SPI1: variants seen among roughly 807,000 people sequenced by gnomAD.
The protein encoded by SPI1 is Spi-1 proto-oncogene.
A neutral mutation model predicts 30.7 loss-of-function variants in SPI1; 3 were observed. That is an observed-to-expected ratio of 0.10 (90% CI 0.04 to 0.25). SPI1 has a LOEUF of 0.25. Ranked by LOEUF, SPI1 falls within the 10% of genes least tolerant of loss-of-function variation. SPI1 has a pLI of 1.00. For synonymous variants in SPI1, 169 were observed against 157.1 expected (o/e 1.08, Z -0.56); for missense variants, 261 against 371.5 (o/e 0.70, Z 2.45).
rs568182125 is a variant in SPI1 at position 47,373,192 on chromosome 11, A to C, written c.142+2441T>G. 3.9e-5 allele frequency among the ~76,000 whole-genome samples: 6 copies of C among 152,084 alleles called. No homozygotes were observed. The South Asian group carries it at 1.2e-3, about 32-fold the overall frequency. On this transcript the variant is annotated intron_variant, in intron 2 of 4. Transcript: ENST00000378538. Reference sequence around the variant, plus strand: ...ATAGTGAAACCCTGTCTCTACTAAAAATACAAAAAATTAGCTGAGCGTGGT... The same window carrying C: ...ATAGTGAAACCCTGTCTCTACTAAACATACAAAAAATTAGCTGAGCGTGGT...
At position 47,359,090 on chromosome 11, in the gene SPI1, G is replaced by A. The variant is rs1172293737; in HGVS notation, c.331-84C>T. The A allele has an allele frequency of 4.5e-6, 6 of 1,330,640 alleles. No homozygotes were observed. The highest frequency in any genetic ancestry group is 2.3e-4 in the Middle Eastern group (1 of 4,328). 82.4% of individuals were successfully genotyped at this position (1,330,640 alleles called of 1,614,324 possible). On this transcript the variant is annotated intron_variant, in intron 3 of 4. Coordinates refer to ENST00000378538, the MANE Select transcript of SPI1 (RefSeq NM_003120.3). This position sits in a 1 kb window ranked among gnomAD's most constrained non-coding sequence, Gnocchi z 5.1. ...CTGGGAGGGAGGTCAGCTGGGGAGA[G>A]AAGGAGTGCAGAGGGCAGGGGACAA...
intron 2 of SPI1, among the ~76,000 whole-genome samples, chr11:47,366,796 G>C (rs1364230274): frequency 6.8e-6 from 1 of 147,500 alleles, no homozygotes; most frequent in African/African-American, 2.5e-5. Flanking sequence ...ACTACAGCCT[G>C]GACGATAAGA....
chr11:47,363,731 G>C (rs1230319631), intron 2 of SPI1, among the ~76,000 whole-genome samples: 1 of 151,816 alleles, frequency 6.6e-6, no homozygotes, highest in Non-Finnish European at 1.5e-5. Context: ...GGGAAGCCAA[G>C]GTGGGCAGAT....
intron 2 of SPI1, among the ~76,000 whole-genome samples, chr11:47,367,411 G>T (rs1174535190): frequency 6.6e-6 from 1 of 151,758 alleles, no homozygotes; most frequent in Non-Finnish European, 1.5e-5. Context: ...AAAAGTAGCC[G>T]GGCGTGGTGG....
chr11:47,369,348 G>A (rs2142893472), intron 2 of SPI1, among the ~76,000 whole-genome samples: 1 of 152,152 alleles, frequency 6.6e-6, no homozygotes, highest in Admixed American at 6.6e-5. Context: ...TTCTGTCTCT[G>A]TTGCCACCAC....
intron 2 of SPI1, among the ~76,000 whole-genome samples, chr11:47,361,066 A>G (rs1310683579): frequency 1.4e-4 from 22 of 152,022 alleles, no homozygotes; most frequent in African/African-American, 5.3e-4. Context: ...GGCTGCAGTG[A>G]GCCGAGATTG....
At chr11:47,372,876 A>G (rs2095937715) in intron 2 of SPI1, among the ~76,000 whole-genome samples, 2 of 152,186 alleles carry the variant, frequency 1.3e-5, no homozygotes, top group African/African-American at 2.4e-5. Flanking sequence ...GGACTCAGAA[A>G]GGTTATGTTA....
chr11:47,356,415 C>G (rs2095909441), intron 4 of SPI1, among the ~76,000 whole-genome samples: 1 of 150,750 alleles, frequency 6.6e-6, no homozygotes, highest in South Asian at 2.1e-4. Flanking sequence ...TCACACCCAC[C>G]CAATGCACCC....
At chr11:47,371,187 T>G (rs371011612) in intron 2 of SPI1, among the ~76,000 whole-genome samples, 1 of 150,586 alleles carries the variant, frequency 6.6e-6, no homozygotes, top group Non-Finnish European at 1.5e-5. Context: ...GGTGAAACCC[T>G]GCCTCTACTA....
At chr11:47,358,356 G>T (rs764052638) in intron 4 of SPI1, 2 of 588,962 alleles carry the variant, frequency 3.4e-6, no homozygotes, top group East Asian at 2.8e-5. Context: ...GCTCACACAG[G>T]CACACCCACA....
chr11:47,357,661 G>A (rs11039199), intron 4 of SPI1, among the ~76,000 whole-genome samples: 1 of 152,086 alleles, frequency 6.6e-6, no homozygotes, highest in Non-Finnish European at 1.5e-5. Flanking sequence ...CACCTCCCGG[G>A]TTCAAGCAAT....
At position 47,355,198 on chromosome 11, in the gene SPI1, C is replaced by G. The variant is rs982806302; in HGVS notation, c.*29G>C. The G allele has an allele frequency of 7.6e-7, 1 of 1,320,878 alleles. No individual in the cohort carries two copies. The highest frequency in any genetic ancestry group is 9.6e-7 in the Non-Finnish European group (1 of 1,040,270). The allele number at this position is 1,320,878 out of a possible 1,614,324, so 81.8% of individuals were successfully genotyped here. A position where few individuals can be genotyped will look rare whatever the true frequency, so the allele number is the denominator to read the frequency against. Reference sequence around the variant, plus strand: ...CTTAATGCTATGGCCAGCGGGGAGGCCTGGCGGGGCCCGGCGGGGGCTGCG... The same window carrying G: ...CTTAATGCTATGGCCAGCGGGGAGGGCTGGCGGGGCCCGGCGGGGGCTGCG... On this transcript the variant is annotated 3_prime_UTR_variant, in exon 5 of 5. Coordinates refer to ENST00000378538, the MANE Select transcript of SPI1 (RefSeq NM_003120.3).
chr11:47,360,395 C>T (rs913308915), intron 2 of SPI1, among the ~76,000 whole-genome samples: 5 of 152,144 alleles, frequency 3.3e-5, no homozygotes, highest in Non-Finnish European at 7.3e-5. Flanking sequence ...ACATATGTGG[C>T]CTCTCTAACC....
chr11:47,372,124 T>C (rs988125793), intron 2 of SPI1, among the ~76,000 whole-genome samples: 14 of 151,154 alleles, frequency 9.3e-5, no homozygotes, highest in African/African-American at 2.9e-4. Flanking sequence ...TTTTTTTTGC[T>C]GGAGTCTCGC....
At chr11:47,355,963 TC>T (rs2095908063) in intron 4 of SPI1, among the ~76,000 whole-genome samples, 1 of 57,104 alleles carries the variant, frequency 1.8e-5, no homozygotes. Flanking sequence ...ATGCAACCAC[TC>T]ACTCATGCTC....
At chr11:47,362,809 C>T (rs1004480035) in intron 2 of SPI1, among the ~76,000 whole-genome samples, 4 of 151,852 alleles carry the variant, frequency 2.6e-5, no homozygotes, top group East Asian at 1.9e-4. Context: ...CTCCTGACCT[C>T]GTGATCTGCC....
rs1249261264 is a variant in SPI1 at position 47,359,982 on chromosome 11, C to G, written c.201G>C (p.Glu67Asp). The G allele has an allele frequency of 3.7e-6, 6 of 1,606,968 alleles. No individual in the cohort carries two copies. ...HVHSEFESFA[E>D]NNFTELQSVQ... ...CGCTCTGGAGCTCCGTGAAGTTGTT[C>G]TCGGCGAAGCTCTCGAACTCGCTGT... Residue 67 changes from glutamate (E) to aspartate (D), a missense_variant, in exon 3 of 5, where the codon GAG (glutamate) becomes GAC (aspartate). Around this residue, in one of 5 missense-constraint regions of SPI1, gnomAD observed 78 missense variants for 93.2 expected, o/e 0.84. Transcript: ENST00000378538. The surrounding 1 kb of genome is among the most constrained non-coding windows in gnomAD (Gnocchi z 5.1).
intron 2 of SPI1, among the ~76,000 whole-genome samples, chr11:47,371,497 T>C (rs2095935917): frequency 7.1e-6 from 1 of 141,054 alleles, no homozygotes; most frequent in Non-Finnish European, 1.5e-5. Context: ...TGAAACCCCA[T>C]CTCTACTAAA....
In SPI1 at chr11:47,373,119, G is replaced by A. The variant is rs113570750; in HGVS notation, c.142+2514C>T. On this transcript the variant is annotated intron_variant, in intron 2 of 4. Coordinates refer to ENST00000378538, the MANE Select transcript of SPI1 (RefSeq NM_003120.3). ...TGTAATCCCAGCACTTTGGGAGGCT[G>A]AGGCAGGCGGATCACCAGGTCAGGA... 3.9e-5 allele frequency among the ~76,000 whole-genome samples: 6 copies of A among 152,322 alleles called. 1 individual carries two copies. Among genetic ancestry groups the A allele is most frequent in the African/African-American group, 1.4e-4 (6 of 41,560 alleles).
Sources: allele counts gnomAD v4.1 joint callset (sites outside exome capture counted in the v4.1 genomes callset), GRCh38; gene constraint gnomAD v4.1.1; regional missense constraint gnomAD v4.1.1; non-coding constraint Gnocchi (gnomAD v3.1); transcripts MANE v1.5; gene names NCBI Gene and HGNC (gene_info 2026-07-23, HGNC 2026-07-21).